The following PCDHGB6 variants were observed in gnomAD, a reference collection of about 807,000 sequenced individuals.
PCDHGB6 encodes protocadherin gamma subfamily B, 6.
Under a neutral mutation model 59.1 loss-of-function variants are expected in PCDHGB6, and 51 were observed. The observed-to-expected ratio is 0.86, with a 90% CI of 0.69 to 1.09. The LOEUF is 1.09. Among genes scored for constraint, PCDHGB6 ranks in the 50% least tolerant of loss-of-function variants. The pLI, the probability that PCDHGB6 is intolerant of heterozygous loss-of-function variation, is 0.00. For synonymous variants in PCDHGB6, 466 were observed against 495.1 expected, an observed-to-expected ratio of 0.94 and a Z score of 0.78; for missense variants, 1,148 against 1,205.1, an observed-to-expected ratio of 0.95 and a Z score of 0.70.
At chr5:141,414,570 C>T in intron 1 of PCDHGB6, 1 of 1,613,980 alleles carries the variant, frequency 6.2e-7, no homozygotes. Context: ...TTACCTATAT[C>T]CCAGAGAACA....
chr5:141,415,203 G>C (rs2095843560), intron 1 of PCDHGB6: 24 of 1,614,032 alleles, frequency 1.5e-5, no homozygotes, highest in Non-Finnish European at 2.0e-5. Flanking sequence ...CCCAAGTCCT[G>C]GCGGACCTCG....
At chr5:141,440,983 G>A (rs2154559140) in intron 1 of PCDHGB6, 1 of 152,314 alleles carries the variant, frequency 6.6e-6, no homozygotes, top group South Asian at 2.1e-4. Flanking sequence ...TCACAACCCA[G>A]AGTACCCATA....
chr5:141,417,869 A>C, intron 1 of PCDHGB6: 2 of 1,553,552 alleles, frequency 1.3e-6, no homozygotes, highest in South Asian at 2.4e-5. Context: ...GATGGGAGGG[A>C]GCTGCGCGCA....
At chr5:141,441,779 C>T in intron 1 of PCDHGB6, 2 of 390,030 alleles carry the variant, frequency 5.1e-6, no homozygotes, top group South Asian at 2.0e-5. Context: ...TGGTGGACGA[C>T]CTGAATGACA....
In PCDHGB6 at chr5:141,489,201, G is replaced by A. The variant is rs757039294; in HGVS notation, c.2419-5606G>A. ...AGCCCTGGGTCTACCTTGGAGACAG[G>A]ACAGCACAGACTTACTCTCCACAAA... On this transcript the variant is annotated intron_variant, in intron 1 of 3. Coordinates refer to ENST00000520790, the MANE Select transcript of PCDHGB6 (RefSeq NM_018926.3). This position sits in a 1 kb window ranked among gnomAD's most constrained non-coding sequence, Gnocchi z 4.5. The A allele has an allele frequency of 7.8e-6, 11 of 1,416,092 alleles. No individual in the cohort carries two copies. In the African/African-American group the frequency reaches 1.3e-4, roughly 17 times the overall value. 87.7% of individuals were successfully genotyped at this position (1,416,092 alleles called of 1,614,324 possible).
rs778589637 is a variant in PCDHGB6 at position 141,487,133 on chromosome 5, C to T, written c.2419-7674C>T. On this transcript the variant is annotated intron_variant, in intron 1 of 3. Coordinates refer to ENST00000520790, the MANE Select transcript of PCDHGB6 (RefSeq NM_018926.3). The surrounding 1 kb of genome is among the most constrained non-coding windows in gnomAD (Gnocchi z 5.0). ...TGTGGTAAAGGATAGTGGTAGTCCA[C>T]CACTCTCTACCTCTGTTACTCTCTT... 8.7e-6 allele frequency: 14 copies of T among 1,613,932 alleles called. No homozygotes were observed. In the South Asian group the frequency reaches 1.5e-4, roughly 18 times the overall value.
rs2099611311 is a variant in PCDHGB6 at position 141,485,311 on chromosome 5, G to A, written c.2419-9496G>A. 3.1e-6 allele frequency: 5 copies of A among 1,614,174 alleles called. No individual in the cohort carries two copies. The East Asian group carries it at 6.7e-5, about 22-fold the overall frequency. ...AGTCACAGGAAGGGACTTTTGTAGGGAATGTCGCTCAAGATTTCCTGCTGG... is the reference window on the plus strand; with the variant it reads ...AGTCACAGGAAGGGACTTTTGTAGGAAATGTCGCTCAAGATTTCCTGCTGG... On this transcript the variant is annotated intron_variant, in intron 1 of 3. Transcript: ENST00000520790. The surrounding 1 kb of genome is among the most constrained non-coding windows in gnomAD (Gnocchi z 5.7).
At chr5:141,457,878 C>A (rs1263626843) in intron 1 of PCDHGB6, among the ~76,000 whole-genome samples, 1 of 152,190 alleles carries the variant, frequency 6.6e-6, no homozygotes, top group East Asian at 1.9e-4. Context: ...GGTTAGGAAC[C>A]CTGTGTGGGG....
Position 141,417,818 on chromosome 5 carries a change from C to T in PCDHGB6, c.2418+7198C>T, listed in dbSNP as rs59981184. 5.7e-4 allele frequency: 859 copies of T among 1,512,530 alleles called. 1 individual carries two copies. The African/African-American group carries it at 0.011, about 19-fold the overall frequency. 93.7% of individuals were successfully genotyped at this position (1,512,530 alleles called of 1,614,324 possible). On this transcript the variant is annotated intron_variant, in intron 1 of 3. Coordinates refer to ENST00000520790, the MANE Select transcript of PCDHGB6 (RefSeq NM_018926.3). ...TTTAGCGCGGTAGAGTGCACTTTCTCCAACTGGAAAAGCGGGGACCCAGCG... is the reference window on the plus strand; with the variant it reads ...TTTAGCGCGGTAGAGTGCACTTTCTTCAACTGGAAAAGCGGGGACCCAGCG...
chr5:141,409,960 C>T lies in PCDHGB6; in HGVS notation c.1758C>T (p.Tyr586=), dbSNP rs1182396334. The T allele has an allele frequency of 6.2e-7, 1 of 1,613,416 alleles. No individual in the cohort carries two copies. The stretch of plus-strand genomic sequence containing the variant: ...TACCTCGCTCTGCAGAGCCCGGCTA[C>T]CTAGTGACTAAGGTGGTAGCGGTGG... The part of the protein sequence containing the change: ...DMVPRSAEPG[Y]LVTKVVAVDA... Residue 586 remains tyrosine, a synonymous_variant, in exon 1 of 4, where the codon TAC becomes TAT. Coordinates refer to ENST00000520790, the MANE Select transcript of PCDHGB6 (RefSeq NM_018926.3).
In PCDHGB6 at chr5:141,489,153, G is replaced by A; in HGVS notation, c.2419-5654G>A. The A allele has an allele frequency of 1.1e-6, 1 of 935,832 alleles. No homozygotes were observed. The highest frequency in any genetic ancestry group is 1.6e-6 in the Non-Finnish European group (1 of 627,178). 58.0% of individuals were successfully genotyped at this position (935,832 alleles called of 1,614,324 possible). A position where few individuals can be genotyped will look rare whatever the true frequency, so the allele number is the denominator to read the frequency against. ...TTTAAGAGGCTGGAAGGAGACATAA[G>A]AGACTTCAGCTGCTGCATTCCAAGC... On this transcript the variant is annotated intron_variant, in intron 1 of 3. Coordinates refer to ENST00000520790, the MANE Select transcript of PCDHGB6 (RefSeq NM_018926.3). This position sits in a 1 kb window ranked among gnomAD's most constrained non-coding sequence, Gnocchi z 4.5.
Position 141,512,574 on chromosome 5 carries a change from C to G in PCDHGB6, c.*1401C>G, listed in dbSNP as rs1429371202. 2 of 152,884 alleles carry G rather than the reference C, an allele frequency of 1.3e-5. No homozygotes were observed. Among genetic ancestry groups the G allele is most frequent in the South Asian group, 2.1e-4 (1 of 4,836 alleles). 9.5% of individuals were successfully genotyped at this position (152,884 alleles called of 1,614,324 possible). On this transcript the variant is annotated 3_prime_UTR_variant, in exon 4 of 4. Transcript: ENST00000520790. ...GTGCATAGACCTTCTTCTCCCACCC[C>G]CTTCTGCCCCTGGGTCCCCGGCCAT...
rs1177814811 is a variant in PCDHGB6 at position 141,511,841 on chromosome 5, CTGTTT to C, written c.*675_*679del. The C allele has an allele frequency of 3.2e-5, 5 of 156,826 alleles. No homozygotes were observed. Among genetic ancestry groups the C allele is most frequent in the African/African-American group, 4.8e-5 (2 of 41,458 alleles). The allele number at this position is 156,826 out of a possible 1,614,324, so 9.7% of individuals were successfully genotyped here. ...TCCCAACGCCCTGGGGACCAGTCTT[CTGTTT>C]TGTTTTTCATTGTTTGACGTTTCCA... On this transcript the variant is annotated 3_prime_UTR_variant, in exon 4 of 4. Coordinates refer to ENST00000520790, the MANE Select transcript of PCDHGB6 (RefSeq NM_018926.3).
chr5:141,474,819 G>A (rs1180279468), intron 1 of PCDHGB6, among the ~76,000 whole-genome samples: 1 of 152,190 alleles, frequency 6.6e-6, no homozygotes, highest in Non-Finnish European at 1.5e-5. Flanking sequence ...CATTAATTGA[G>A]GCTTACTCTG....
chr5:141,492,071 C>T (rs992716777), intron 1 of PCDHGB6: 7 of 481,874 alleles, frequency 1.5e-5, no homozygotes, highest in African/African-American at 1.4e-4. Context: ...CTCCTAGGCG[C>T]CGGCTCCGGC....
intron 1 of PCDHGB6, chr5:141,422,014 C>A: frequency 6.2e-7 from 1 of 1,610,158 alleles, no homozygotes; most frequent in Non-Finnish European, 8.5e-7. Flanking sequence ...AACTCGGGTG[C>A]TGATGGTTAA....
chr5:141,441,665 A>C (rs994092543), intron 1 of PCDHGB6: 10 of 265,838 alleles, frequency 3.8e-5, no homozygotes, highest in African/African-American at 2.1e-4. Context: ...CCTTGAGCGC[A>C]CAGTGCGCCT....
intron 1 of PCDHGB6, among the ~76,000 whole-genome samples, chr5:141,465,206 C>T (rs375753635): frequency 1.8e-4 from 27 of 151,896 alleles, no homozygotes; most frequent in Middle Eastern, 3.4e-3. Context: ...AAAATATAAG[C>T]TTTATTTTTC....
chr5:141,441,927 G>A (rs2098285195), intron 1 of PCDHGB6: 2 of 354,242 alleles, frequency 5.6e-6, no homozygotes, highest in Non-Finnish European at 1.1e-5. Flanking sequence ...ACAATGCGTG[G>A]CTGTCCTACC....
Sources: allele counts gnomAD v4.1 joint callset (sites outside exome capture counted in the v4.1 genomes callset), GRCh38; gene constraint gnomAD v4.1.1; non-coding constraint Gnocchi (gnomAD v3.1); transcripts MANE v1.5; gene names NCBI Gene and HGNC (gene_info 2026-07-23, HGNC 2026-07-21).